The following MTFR1 variants were observed in gnomAD, a reference collection of about 807,000 sequenced individuals.
MTFR1 encodes the protein chondrocyte protein with a poly-proline region.
Under a neutral mutation model 38.8 loss-of-function variants are expected in MTFR1, and 28 were observed. The observed-to-expected ratio is 0.72, with a 90% CI of 0.53 to 0.99. The LOEUF (loss-of-function observed/expected upper bound fraction) is 0.99. Ranked by LOEUF, MTFR1 falls within the 50% of genes least tolerant of loss-of-function variation. MTFR1 has a pLI of 0.00. For synonymous variants in MTFR1, 145 were observed against 137.0 expected (o/e 1.06, Z -0.41); for missense variants, 358 against 395.5 (o/e 0.91, Z 0.81).
intron 2 of MTFR1, among the ~76,000 whole-genome samples, chr8:65,673,674 C>A (rs868064566): frequency 6.6e-6 from 1 of 151,496 alleles, no homozygotes; most frequent in Non-Finnish European, 1.5e-5. Flanking sequence ...GAGGCCGAGG[C>A]GGGTGGATCA....
chr8:65,668,697 A>G (rs1231917544), intron 1 of MTFR1, among the ~76,000 whole-genome samples: 1 of 151,198 alleles, frequency 6.6e-6, no homozygotes, highest in Non-Finnish European at 1.5e-5. Context: ...TATTTTTATT[A>G]GAGTTGGAGT....
At chr8:65,643,953 T>A (rs1030961953), upstream of MTFR1, among the ~76,000 whole-genome samples, 1 of 151,764 alleles carries the variant, frequency 6.6e-6, no homozygotes, top group African/African-American at 2.4e-5. Flanking sequence ...CCCAGCGACC[T>A]CCGGGATCAA....
Position 65,707,068 on chromosome 8 carries a change from G to A in MTFR1, c.576G>A (p.Pro192=), listed in dbSNP as rs770323230. The change falls in exon 6 of 8, where the codon CCG becomes CCA. Residue 192 remains proline, a synonymous_variant. Coordinates refer to ENST00000262146, the MANE Select transcript of MTFR1 (RefSeq NM_014637.4). ...CACCACACCCTCCACCTCCCCCACC[G>A]CCCCTGCCTCCCCCTGCACTGGGGC... The part of the protein sequence containing the change: ...TIPPHPPPPP[P]PLPPPALGLH... 1.5e-5 allele frequency: 14 copies of A among 933,022 alleles called. No homozygotes were observed. In the East Asian group the frequency reaches 2.5e-4, roughly 17 times the overall value. The allele number at this position is 933,022 out of a possible 1,614,324, so 57.8% of individuals were successfully genotyped here. A position where few individuals can be genotyped will look rare whatever the true frequency, so the allele number is the denominator to read the frequency against.
chr8:65,755,962 C>T (rs1458028955), intron 3 of MTFR1, among the ~76,000 whole-genome samples: 1 of 152,192 alleles, frequency 6.6e-6, no homozygotes, highest in Non-Finnish European at 1.5e-5. Context: ...TAATGAACTC[C>T]CTCAACTTTT....
chr8:65,664,978 A>G (rs1212447949), intron 1 of MTFR1, among the ~76,000 whole-genome samples: 2 of 141,622 alleles, frequency 1.4e-5, no homozygotes, highest in African/African-American at 5.3e-5. Flanking sequence ...CTCTGTCACC[A>G]GGCCAGAGTA....
chr8:65,734,323 C>G (rs1807032501), intron 3 of MTFR1, among the ~76,000 whole-genome samples: 1 of 152,204 alleles, frequency 6.6e-6, no homozygotes, highest in Non-Finnish European at 1.5e-5. Context: ...ATCCACATCC[C>G]TACTTCACCA....
At chr8:65,744,699 C>T (rs1156471113) in intron 3 of MTFR1, among the ~76,000 whole-genome samples, 1 of 152,036 alleles carries the variant, frequency 6.6e-6, no homozygotes, top group African/African-American at 2.4e-5. Flanking sequence ...TGGCCACAAT[C>T]TAAAAGAAAC....
At chr8:65,703,427 T>TTTTTG (rs1805678968) in intron 4 of MTFR1, among the ~76,000 whole-genome samples, 1 of 118,660 alleles carries the variant, frequency 8.4e-6, no homozygotes, top group African/African-American at 3.5e-5. Flanking sequence ...TGGTTTTTTT[T>TTTTTG]TTTTTTTTTT....
rs1805816653 is a variant in MTFR1, at chr8:65,707,406, G to A, written c.764+150G>A. On this transcript the variant is annotated intron_variant, in intron 6 of 7. Transcript: ENST00000262146. ...TGAGCCCCAGTGGCTTCTATACACA[G>A]TAGCTAAGAGATTAGCAAAATAAGC... 8.2e-6 allele frequency: 6 copies of A among 727,802 alleles called. No individual in the cohort carries two copies. The South Asian group carries it at 1.3e-4, about 16-fold the overall frequency. 45.1% of individuals were successfully genotyped at this position (727,802 alleles called of 1,614,324 possible).
chr8:65,766,287 C>T (rs1192778064), intron 3 of MTFR1, among the ~76,000 whole-genome samples: 3 of 152,134 alleles, frequency 2.0e-5, no homozygotes, highest in East Asian at 1.9e-4. Flanking sequence ...GAATTTATTT[C>T]GTGTTCACTT....
chr8:65,702,635 T>C (rs900745247), intron 4 of MTFR1, among the ~76,000 whole-genome samples: 3 of 152,152 alleles, frequency 2.0e-5, no homozygotes, highest in Admixed American at 2.0e-4. Flanking sequence ...CAATAGAGTA[T>C]GTTTTTTTAC....
intron 3 of MTFR1, among the ~76,000 whole-genome samples, chr8:65,733,468 A>G (rs909097308): frequency 2.0e-5 from 3 of 152,164 alleles, no homozygotes; most frequent in Non-Finnish European, 4.4e-5. Flanking sequence ...TTTAATTTAA[A>G]AATTGGGGTG....
At chr8:65,650,600 C>T (rs909011533) in intron 1 of MTFR1, among the ~76,000 whole-genome samples, 7 of 152,152 alleles carry the variant, frequency 4.6e-5, no homozygotes, top group Admixed American at 3.9e-4. Context: ...TCCTCCAGTT[C>T]CATTCATGTT....
intron 3 of MTFR1, among the ~76,000 whole-genome samples, chr8:65,759,438 A>G (rs553715675): frequency 6.6e-6 from 1 of 152,184 alleles, no homozygotes; most frequent in South Asian, 2.1e-4. Flanking sequence ...CTTCAGCCAG[A>G]TACTGCAGGC....
intron 2 of MTFR1, among the ~76,000 whole-genome samples, chr8:65,680,136 A>G (rs781352265): frequency 4.8e-5 from 6 of 125,048 alleles, no homozygotes; most frequent in Non-Finnish European, 6.3e-5. Flanking sequence ...ATATCCTTCT[A>G]TGATTTCCAC....
intron 1 of MTFR1, among the ~76,000 whole-genome samples, chr8:65,669,370 T>A (rs1429883610): frequency 1.3e-5 from 2 of 152,208 alleles, no homozygotes; most frequent in African/African-American, 4.8e-5. Context: ...AAGATTATTA[T>A]CCACCAGATA....
chr8:65,754,880 G>A (rs1259313751), intron 3 of MTFR1, among the ~76,000 whole-genome samples: 11 of 149,474 alleles, frequency 7.4e-5, no homozygotes, highest in East Asian at 2.1e-4. Context: ...CAGGAGAATC[G>A]CCTGAACCCG....
chr8:65,689,689 A>AG (rs1473510709), intron 3 of MTFR1: 1 of 864,460 alleles, frequency 1.2e-6, no homozygotes, highest in Non-Finnish European at 1.6e-6. Context: ...AGTCCTTGCC[A>AG]GGGCTGACTT....
chr8:65,738,685 A>T (rs1807261080), intron 3 of MTFR1, among the ~76,000 whole-genome samples: 1 of 152,204 alleles, frequency 6.6e-6, no homozygotes. Context: ...CACCCGCCTC[A>T]GCCTCCCAAA....
Sources: gnomAD v4.1 joint callset for allele counts (sites outside exome capture counted in the v4.1 genomes callset) on GRCh38, gnomAD v4.1.1 for gene constraint, MANE v1.5 for transcripts, NCBI Gene and HGNC (gene_info 2026-07-23, HGNC 2026-07-21) for gene names.